TCERG1L: variants seen among roughly 807,000 people sequenced by gnomAD.
The protein encoded by TCERG1L is transcription elongation regulator 1-like protein.
In TCERG1L, 37 loss-of-function variants were observed where a neutral mutation model predicts 56.3. The ratio of observed to expected loss-of-function variants is 0.66; its 90% CI spans 0.51 to 0.87. The LOEUF (loss-of-function observed/expected upper bound fraction) is 0.87. Ranked by LOEUF, TCERG1L falls within the 40% of genes least tolerant of loss-of-function variation. The probability of loss-of-function intolerance (pLI) is 0.00; values close to 1 mark genes in which losing one functional copy is unlikely to be tolerated. For synonymous variants in TCERG1L, 324 were observed against 326.3 expected, an observed-to-expected ratio of 0.99 and a Z score of 0.08; for missense variants, 799 against 774.2, an observed-to-expected ratio of 1.03 and a Z score of -0.38.
intron 3 of TCERG1L, among the ~76,000 whole-genome samples, chr10:131,290,232 AGTGT>A (rs1289366644): frequency 7.2e-6 from 1 of 138,300 alleles, no homozygotes; most frequent in Non-Finnish European, 1.6e-5. Flanking sequence ...TGTGTGTGAG[AGTGT>A]ATGTGTGCAC....
chr10:131,264,995 T>C (rs1424537267), intron 3 of TCERG1L, among the ~76,000 whole-genome samples: 1 of 152,166 alleles, frequency 6.6e-6, no homozygotes, highest in African/African-American at 2.4e-5. Context: ...TTCAGACTCT[T>C]GCCTGTCCCA....
intron 4 of TCERG1L, among the ~76,000 whole-genome samples, chr10:131,177,464 C>G (rs1382540031): frequency 6.6e-6 from 1 of 152,248 alleles, no homozygotes; most frequent in African/African-American, 2.4e-5. Context: ...GTGACTTTTT[C>G]TAGAGGTGAC....
At chr10:131,226,237 G>A (rs535015915) in intron 4 of TCERG1L, among the ~76,000 whole-genome samples, 2 of 152,230 alleles carry the variant, frequency 1.3e-5, no homozygotes, top group Admixed American at 6.5e-5. Context: ...CTCCACACCC[G>A]GCTAATTTTA....
chr10:131,136,471 G>A (rs375321986), intron 7 of TCERG1L, among the ~76,000 whole-genome samples: 1 of 151,982 alleles, frequency 6.6e-6, no homozygotes, highest in South Asian at 2.1e-4. Context: ...GCCCCAGGGA[G>A]GGGTGGCCCC....
intron 4 of TCERG1L, among the ~76,000 whole-genome samples, chr10:131,203,496 T>A (rs139546031): frequency 4.5e-4 from 68 of 152,272 alleles, no homozygotes; most frequent in African/African-American, 1.6e-3. Context: ...CACGTCTCTA[T>A]TTTAAGGGAA....
intron 10 of TCERG1L, among the ~76,000 whole-genome samples, chr10:131,101,442 A>G (rs1039655636): frequency 1.3e-5 from 2 of 152,264 alleles, no homozygotes; most frequent in African/African-American, 4.8e-5. Context: ...TAAAGGGACT[A>G]ACGGCCTCAA....
chr10:131,170,989 T>C (rs1467262548), intron 4 of TCERG1L, among the ~76,000 whole-genome samples: 1 of 151,870 alleles, frequency 6.6e-6, no homozygotes, highest in East Asian at 1.9e-4. Flanking sequence ...CTACTAAAAA[T>C]ACAAAAATTA....
At chr10:131,174,683 A>G (rs1054839089) in intron 4 of TCERG1L, among the ~76,000 whole-genome samples, 8 of 152,220 alleles carry the variant, frequency 5.3e-5, no homozygotes, top group Admixed American at 5.2e-4. Context: ...AGAGTTGACA[A>G]GCTGCAGAGA....
chr10:131,111,836 G>A (rs1185812046), intron 9 of TCERG1L, among the ~76,000 whole-genome samples: 2 of 143,388 alleles, frequency 1.4e-5, no homozygotes, highest in African/African-American at 4.9e-5. Flanking sequence ...AAGCCAGACT[G>A]CTCCAAGGTG....
At chr10:131,104,406 A>C in intron 9 of TCERG1L, 52 bp from the exon 10 acceptor site, 1 of 1,243,872 alleles carries the variant, frequency 8.0e-7, no homozygotes, top group Non-Finnish European at 1.1e-6. Flanking sequence ...GCTAAGCCTG[A>C]AGCCGCCCTG....
chr10:131,222,207 C>T (rs1030314695), intron 4 of TCERG1L, among the ~76,000 whole-genome samples: 8 of 152,094 alleles, frequency 5.3e-5, no homozygotes, highest in African/African-American at 1.9e-4. Context: ...ATGAGAAATA[C>T]AACTATTCAT....
chr10:131,254,320 T>TATATATAG (rs999617923), intron 4 of TCERG1L, among the ~76,000 whole-genome samples: 4 of 149,958 alleles, frequency 2.7e-5, no homozygotes, highest in African/African-American at 9.8e-5. Context: ...TATATATATA[T>TATATATAG]AGTAAGTATT....
chr10:131,157,197 C>A (rs1414313786), intron 6 of TCERG1L, among the ~76,000 whole-genome samples: 1 of 152,148 alleles, frequency 6.6e-6, no homozygotes, highest in Non-Finnish European at 1.5e-5. Context: ...TGTCAACTTC[C>A]CAAAGTGCAC....
intron 9 of TCERG1L, among the ~76,000 whole-genome samples, chr10:131,116,046 C>T (rs566823675): frequency 9.2e-5 from 14 of 152,278 alleles, no homozygotes; most frequent in South Asian, 2.1e-4. Flanking sequence ...CATCCTCACA[C>T]GTGGGGCCCA....
At chr10:131,193,194 T>A (rs186539786) in intron 4 of TCERG1L, among the ~76,000 whole-genome samples, 4 of 152,344 alleles carry the variant, frequency 2.6e-5, no homozygotes, top group African/African-American at 7.2e-5. Flanking sequence ...ACACACTTTT[T>A]AATGAAATTT....
At chr10:131,199,945 T>C (rs886172309) in intron 4 of TCERG1L, among the ~76,000 whole-genome samples, 4 of 152,198 alleles carry the variant, frequency 2.6e-5, no homozygotes, top group Admixed American at 1.3e-4. Context: ...GGCTGTAAAA[T>C]TACCTGCTGT....
At chr10:131,198,489 C>T (rs886244008) in intron 4 of TCERG1L, among the ~76,000 whole-genome samples, 3 of 152,220 alleles carry the variant, frequency 2.0e-5, no homozygotes, top group African/African-American at 4.8e-5. Context: ...AAAACACCAC[C>T]GGCTGAGTAA....
At chr10:131,157,726 C>A (rs1000129486) in intron 6 of TCERG1L, among the ~76,000 whole-genome samples, 6 of 152,200 alleles carry the variant, frequency 3.9e-5, no homozygotes, top group Non-Finnish European at 5.9e-5. Flanking sequence ...GTTGCCATGA[C>A]ACAAGCTCTG....
intron 8 of TCERG1L, among the ~76,000 whole-genome samples, chr10:131,117,909 A>G (rs1845475212): frequency 6.6e-6 from 1 of 152,210 alleles, no homozygotes; most frequent in Non-Finnish European, 1.5e-5. Flanking sequence ...CCAAATGCAG[A>G]CGCCGTTCTT....
Sources: gnomAD v4.1 joint callset for allele counts (sites outside exome capture counted in the v4.1 genomes callset) on GRCh38, gnomAD v4.1.1 for gene constraint, MANE v1.5 for transcripts, NCBI Gene and HGNC (gene_info 2026-07-23, HGNC 2026-07-21) for gene names.